The following CYP7B1 variants were observed in gnomAD, a reference collection of about 807,000 sequenced individuals.
CYP7B1 encodes cytochrome P450 7B1.
A neutral mutation model predicts 42.7 loss-of-function variants in CYP7B1; 29 were observed. That is an observed-to-expected ratio of 0.68 (90% CI 0.51 to 0.93). The LOEUF (loss-of-function observed/expected upper bound fraction) is 0.93, where lower values mean the gene tolerates loss of function less well. CYP7B1 is among the 40% of genes least tolerant of loss of function. The pLI is 0.00. For synonymous variants in CYP7B1, 235 were observed against 218.2 expected (o/e 1.08, Z -0.68); for missense variants, 655 against 600.5 (o/e 1.09, Z -0.95).
At chr8:64,684,446 C>T (rs1806588689) in intron 1 of CYP7B1, among the ~76,000 whole-genome samples, 3 of 152,144 alleles carry the variant, frequency 2.0e-5, no homozygotes, top group Admixed American at 2.0e-4. Flanking sequence ...ACCTAGAATG[C>T]CTAGTATATG....
At chr8:64,689,455 T>G (rs920189788) in intron 1 of CYP7B1, among the ~76,000 whole-genome samples, 10 of 152,222 alleles carry the variant, frequency 6.6e-5, no homozygotes, top group Non-Finnish European at 1.2e-4. Context: ...AACACATTCC[T>G]TCTTCTGTGC....
chr8:64,648,051 T>C (rs1243200654), intron 1 of CYP7B1, among the ~76,000 whole-genome samples: 2 of 152,188 alleles, frequency 1.3e-5, no homozygotes, highest in Admixed American at 6.5e-5. Context: ...ATACTCAATT[T>C]GTGTCAAGCA....
At chr8:64,634,280 T>C (rs1805738078) in intron 1 of CYP7B1, among the ~76,000 whole-genome samples, 1 of 152,096 alleles carries the variant, frequency 6.6e-6, no homozygotes, top group Non-Finnish European at 1.5e-5. Context: ...AAAGAAATGC[T>C]ATTTTGGGGC....
chr8:64,761,081 C>T (rs772265515), intron 1 of CYP7B1, among the ~76,000 whole-genome samples: 45 of 151,984 alleles, frequency 3.0e-4, no homozygotes, highest in African/African-American at 1.0e-3. Flanking sequence ...TTAAATAAGC[C>T]AGACACAATA....
At chr8:64,695,985 T>C (rs1374389832) in intron 1 of CYP7B1, among the ~76,000 whole-genome samples, 1 of 152,200 alleles carries the variant, frequency 6.6e-6, no homozygotes, top group Non-Finnish European at 1.5e-5. Flanking sequence ...ATGTATATGA[T>C]AAATAGAACA....
intron 2 of CYP7B1, among the ~76,000 whole-genome samples, chr8:64,623,672 G>T (rs1299121034): frequency 2.6e-5 from 4 of 152,062 alleles, no homozygotes; most frequent in Non-Finnish European, 5.9e-5. Context: ...ATTTTTCTTG[G>T]TGTTTTGGTA....
chr8:64,751,211 C>T (rs745878664), intron 1 of CYP7B1, among the ~76,000 whole-genome samples: 1 of 152,106 alleles, frequency 6.6e-6, no homozygotes, highest in Non-Finnish European at 1.5e-5. Context: ...TAAATGTGAC[C>T]TGTCATCATA....
chr8:64,744,218 A>C (rs1807610364), intron 1 of CYP7B1, among the ~76,000 whole-genome samples: 1 of 152,214 alleles, frequency 6.6e-6, no homozygotes. Context: ...AATTTTCTGC[A>C]TAAAATATTT....
intron 1 of CYP7B1, among the ~76,000 whole-genome samples, chr8:64,728,272 C>A (rs941419536): frequency 3.3e-5 from 5 of 152,186 alleles, no homozygotes; most frequent in Non-Finnish European, 5.9e-5. Flanking sequence ...TTCCATGTAT[C>A]ATACCACCAA....
chr8:64,654,666 A>C (rs1167165711), intron 1 of CYP7B1, among the ~76,000 whole-genome samples: 1 of 152,216 alleles, frequency 6.6e-6, no homozygotes, highest in Non-Finnish European at 1.5e-5. Flanking sequence ...AACTAGAGAA[A>C]ACTATTTTTA....
chr8:64,783,102 A>T (rs989861800), intron 1 of CYP7B1, among the ~76,000 whole-genome samples: 2 of 152,154 alleles, frequency 1.3e-5, no homozygotes, highest in Non-Finnish European at 2.9e-5. Context: ...TAAGTTCAGC[A>T]TACTCTTGAA....
chr8:64,779,457 A>G (rs1804382407), intron 1 of CYP7B1, among the ~76,000 whole-genome samples: 1 of 152,158 alleles, frequency 6.6e-6, no homozygotes, highest in Non-Finnish European at 1.5e-5. Flanking sequence ...TGTAAAAAAT[A>G]TAAAAAGGAA....
chr8:64,767,167 C>T (rs71529145), intron 1 of CYP7B1, among the ~76,000 whole-genome samples: 6,753 of 152,342 alleles, frequency 0.044, 211 homozygotes, highest in Non-Finnish European at 0.068. Flanking sequence ...TCTAAGTATG[C>T]TTACCTAATC....
chr8:64,664,885 T>G (rs1309622586), intron 1 of CYP7B1, among the ~76,000 whole-genome samples: 1 of 152,118 alleles, frequency 6.6e-6, no homozygotes, highest in Non-Finnish European at 1.5e-5. Context: ...CATAATTAGT[T>G]TGTCCAAAAG....
intron 1 of CYP7B1, among the ~76,000 whole-genome samples, chr8:64,635,772 A>G (rs78672821): frequency 6.6e-6 from 1 of 152,236 alleles, no homozygotes; most frequent in Non-Finnish European, 1.5e-5. Flanking sequence ...TAACTCTTCA[A>G]GCCATATACC....
chr8:64,674,154 T>C (rs1023367112), intron 1 of CYP7B1, among the ~76,000 whole-genome samples: 5 of 152,124 alleles, frequency 3.3e-5, no homozygotes, highest in African/African-American at 1.2e-4. Flanking sequence ...TAAGTCTTAC[T>C]AGGAAGAATC....
intron 1 of CYP7B1, among the ~76,000 whole-genome samples, chr8:64,733,106 T>A (rs1052624353): frequency 6.6e-6 from 1 of 152,204 alleles, no homozygotes; most frequent in African/African-American, 2.4e-5. Context: ...CTCAGGTATG[T>A]CTTTATTAGC....
chr8:64,797,311 A>G (rs1300783950), intron 1 of CYP7B1, among the ~76,000 whole-genome samples: 1 of 152,168 alleles, frequency 6.6e-6, no homozygotes, highest in African/African-American at 2.4e-5. Context: ...CTCTCTTTAA[A>G]GGCATACCTA....
At chr8:64,657,064 A>T (rs1027428197) in intron 1 of CYP7B1, among the ~76,000 whole-genome samples, 1 of 152,200 alleles carries the variant, frequency 6.6e-6, no homozygotes, top group Non-Finnish European at 1.5e-5. Flanking sequence ...TTATTAAAAA[A>T]AAAAGCAGTG....
Sources: allele counts gnomAD v4.1 joint callset (sites outside exome capture counted in the v4.1 genomes callset), GRCh38; gene constraint gnomAD v4.1.1; transcripts MANE v1.5; gene names NCBI Gene and HGNC (gene_info 2026-07-23, HGNC 2026-07-21).